CADM2: variants seen among roughly 807,000 people sequenced by gnomAD.
CADM2 encodes immunoglobulin superfamily member 4D.
CADM2 carries 12 observed loss-of-function variants against 49.8 expected under a neutral mutation model. The observed-to-expected ratio is 0.24, with a 90% CI of 0.15 to 0.39. The LOEUF is 0.39. Ranked by LOEUF, CADM2 falls within the 10% of genes least tolerant of loss-of-function variation. The probability of loss-of-function intolerance (pLI) is 1.00; values close to 1 mark genes in which losing one functional copy is unlikely to be tolerated. For missense variants in CADM2, 378 were observed against 492.3 expected, an observed-to-expected ratio of 0.77 and a Z score of 2.20; for synonymous variants, 214 against 175.4, an observed-to-expected ratio of 1.22 and a Z score of -1.74.
In CADM2 at chr3:86,002,967, T is replaced by C. The variant is rs74339412; in HGVS notation, c.970+41320T>C. On this transcript the variant is annotated intron_variant, in intron 8 of 9. Transcript: ENST00000383699. The stretch of plus-strand genomic sequence containing the variant: ...ATAGGCTTAAAGCAATGCTATGTAT[T>C]ATTTTCTGTTTATCACTCCTCTCCA... Among the ~76,000 whole-genome samples, 41 of 152,330 alleles carry C rather than the reference T, an allele frequency of 2.7e-4. No homozygotes were observed. The East Asian group carries it at 7.7e-3, about 29-fold the overall frequency.
intron 3 of CADM2, among the ~76,000 whole-genome samples, chr3:85,882,945 T>C (rs1184126211): frequency 6.6e-6 from 1 of 152,232 alleles, no homozygotes; most frequent in Non-Finnish European, 1.5e-5. Flanking sequence ...GAACCCATTT[T>C]GTTTATAGCT....
chr3:85,061,626 C>A (rs2036319577), intron 1 of CADM2, among the ~76,000 whole-genome samples: 3 of 152,004 alleles, frequency 2.0e-5, no homozygotes, highest in Admixed American at 1.3e-4. Flanking sequence ...CATGGAAAGT[C>A]TAGTTGAATG....
chr3:85,242,065 G>GC, intron 1 of CADM2, among the ~76,000 whole-genome samples: 1 of 140,950 alleles, frequency 7.1e-6, no homozygotes, highest in South Asian at 2.2e-4. Context: ...TGATTCTGTT[G>GC]TTTTTTTTTT....
intron 1 of CADM2, among the ~76,000 whole-genome samples, chr3:85,178,347 T>C (rs2040839399): frequency 6.7e-6 from 1 of 149,500 alleles, no homozygotes; most frequent in African/African-American, 2.6e-5. Flanking sequence ...TACTTAAACA[T>C]TGATATATAA....
intron 1 of CADM2, among the ~76,000 whole-genome samples, chr3:85,158,726 G>A (rs545643689): frequency 6.6e-6 from 1 of 152,132 alleles, no homozygotes; most frequent in South Asian, 2.1e-4. Context: ...AGCATTGGGA[G>A]ATATACCTAA....
At chr3:85,505,928 A>C (rs1188567916) in intron 1 of CADM2, among the ~76,000 whole-genome samples, 1 of 152,126 alleles carries the variant, frequency 6.6e-6, no homozygotes, top group East Asian at 1.9e-4. Flanking sequence ...TTTCAGCTTT[A>C]ATATTTTTTT....
At chr3:84,975,501 G>T (rs62250579) in intron 1 of CADM2, among the ~76,000 whole-genome samples, 2 of 151,272 alleles carry the variant, frequency 1.3e-5, no homozygotes, top group Non-Finnish European at 3.0e-5. Flanking sequence ...ATGAAAACCC[G>T]GATATAAAGT....
At chr3:85,249,352 C>T (rs1428225969) in intron 1 of CADM2, among the ~76,000 whole-genome samples, 1 of 151,942 alleles carries the variant, frequency 6.6e-6, no homozygotes, top group South Asian at 2.1e-4. Context: ...TAACTAGTCC[C>T]AACCAGACTA....
intron 3 of CADM2, among the ~76,000 whole-genome samples, chr3:85,814,949 C>T (rs1014618884): frequency 6.6e-6 from 1 of 151,950 alleles, no homozygotes; most frequent in Non-Finnish European, 1.5e-5. Context: ...AAACTACCAT[C>T]AGAGAATACT....
intron 1 of CADM2, among the ~76,000 whole-genome samples, chr3:84,964,061 A>G (rs1274772296): frequency 6.6e-6 from 1 of 152,196 alleles, no homozygotes; most frequent in Non-Finnish European, 1.5e-5. Context: ...AGCTTACTTC[A>G]TTGTCTTTTT....
intron 3 of CADM2, among the ~76,000 whole-genome samples, chr3:85,881,740 C>G (rs13087125): frequency 6.6e-6 from 1 of 152,166 alleles, no homozygotes; most frequent in East Asian, 1.9e-4. Context: ...AAAAAATGCT[C>G]TAGCTCAGCG....
At chr3:85,066,225 G>A (rs1439617592) in intron 1 of CADM2, among the ~76,000 whole-genome samples, 2 of 151,972 alleles carry the variant, frequency 1.3e-5, no homozygotes, top group East Asian at 1.9e-4. Flanking sequence ...CACAGGTGGA[G>A]AAGTAGAGTT....
chr3:84,961,770 C>G (rs902371753), intron 1 of CADM2, among the ~76,000 whole-genome samples: 2 of 152,142 alleles, frequency 1.3e-5, no homozygotes, highest in Admixed American at 6.5e-5. Flanking sequence ...CTGGCCCCGG[C>G]CGGTCAATGC....
chr3:85,604,337 T>G (rs1031264172), intron 1 of CADM2, among the ~76,000 whole-genome samples: 1 of 151,966 alleles, frequency 6.6e-6, no homozygotes, highest in East Asian at 1.9e-4. Flanking sequence ...TATCTGATGC[T>G]CATTCCCACT....
intron 1 of CADM2, among the ~76,000 whole-genome samples, chr3:85,553,623 A>G (rs1212331426): frequency 6.6e-6 from 1 of 152,202 alleles, no homozygotes. Context: ...GGTGTACATA[A>G]GACTCCAGGA....
chr3:85,634,524 T>A (rs549581797), intron 1 of CADM2, among the ~76,000 whole-genome samples: 1 of 152,208 alleles, frequency 6.6e-6, no homozygotes, highest in East Asian at 1.9e-4. Context: ...AATACCTGTG[T>A]AACAAGGTAT....
At chr3:85,978,075 T>A (rs1417378366) in intron 8 of CADM2, among the ~76,000 whole-genome samples, 2 of 151,656 alleles carry the variant, frequency 1.3e-5, no homozygotes, top group Non-Finnish European at 3.0e-5. Context: ...GACAAACATG[T>A]GAAATCAAAC....
intron 1 of CADM2, among the ~76,000 whole-genome samples, chr3:85,400,219 G>T (rs1448267270): frequency 6.6e-6 from 1 of 152,066 alleles, no homozygotes; most frequent in Non-Finnish European, 1.5e-5. Flanking sequence ...TGTGGTTTTT[G>T]TCTTTGGTTC....
At position 86,029,875 on chromosome 3, in the gene CADM2, G is replaced by A. The variant is rs1162136003; in HGVS notation, c.971-35730G>A. Among the ~76,000 whole-genome samples, 3 of 152,100 alleles carry A rather than the reference G, an allele frequency of 2.0e-5. No individual in the cohort carries two copies. The East Asian group carries it at 5.8e-4, about 29-fold the overall frequency. Reference sequence around the variant, plus strand: ...ATGAGTCATCAAGATGGAATCCACAGTCAAGGATAAAATTGTCAAAGGGAT... The same window carrying A: ...ATGAGTCATCAAGATGGAATCCACAATCAAGGATAAAATTGTCAAAGGGAT... On this transcript the variant is annotated intron_variant, in intron 8 of 9. Transcript: ENST00000383699.
Sources: allele counts gnomAD v4.1 joint callset (sites outside exome capture counted in the v4.1 genomes callset), GRCh38; gene constraint gnomAD v4.1.1; transcripts MANE v1.5; gene names NCBI Gene and HGNC (gene_info 2026-07-23, HGNC 2026-07-21).